Variants in CMC1 observed in about 807,000 individuals in gnomAD.
CMC1 encodes C-X9-C motif containing 1, also known as COX assembly mitochondrial protein homolog.
Under a neutral mutation model 14.1 loss-of-function variants are expected in CMC1, and 14 were observed. That is an observed-to-expected ratio of 0.99 (90% CI 0.66 to 1.55). The LOEUF is 1.55. Ranked by LOEUF, CMC1 falls within the 40% of genes most tolerant of loss-of-function variation. The probability of loss-of-function intolerance (pLI) is 0.00; values close to 1 mark genes in which losing one functional copy is unlikely to be tolerated. For synonymous variants in CMC1, 50 were observed against 38.4 expected, an observed-to-expected ratio of 1.30 and a Z score of -1.12; for missense variants, 127 against 123.8, an observed-to-expected ratio of 1.03 and a Z score of -0.12.
intron 1 of CMC1, among the ~76,000 whole-genome samples, chr3:28,259,710 C>T (rs548730904): frequency 7.2e-4 from 110 of 152,146 alleles, no homozygotes; most frequent in African/African-American, 2.5e-3. Context: ...GCTATATAGT[C>T]TTGAGTGTCC....
intron 2 of CMC1, among the ~76,000 whole-genome samples, chr3:28,300,891 T>G (rs1356406845): frequency 6.6e-6 from 1 of 151,578 alleles, no homozygotes; most frequent in African/African-American, 2.4e-5. Flanking sequence ...TATTCTTTCA[T>G]AGCCATTATG....
chr3:28,274,431 A>G (rs1450612396), intron 2 of CMC1, among the ~76,000 whole-genome samples: 2 of 151,830 alleles, frequency 1.3e-5, no homozygotes, highest in Non-Finnish European at 2.9e-5. Flanking sequence ...AGAATATTGA[A>G]TATTAGCACC....
intron 2 of CMC1, among the ~76,000 whole-genome samples, chr3:28,293,333 G>A (rs1331667718): frequency 6.6e-6 from 1 of 151,368 alleles, no homozygotes; most frequent in East Asian, 1.9e-4. Flanking sequence ...GAGTGGCTGG[G>A]GAGGTGACAG....
chr3:28,315,824 T>A (rs1342038912), intron 2 of CMC1: 1 of 152,412 alleles, frequency 6.6e-6, no homozygotes, highest in African/African-American at 2.4e-5. Context: ...ATGGTACAGG[T>A]TTTAGCCTAG....
At chr3:28,259,052 TA>T (rs1403496718) in intron 1 of CMC1, among the ~76,000 whole-genome samples, 5 of 152,290 alleles carry the variant, frequency 3.3e-5, no homozygotes, top group Middle Eastern at 3.4e-3. Context: ...GCATAGCATC[TA>T]AATTTGTTCT....
At chr3:28,296,096 T>A (rs551296913) in intron 2 of CMC1, among the ~76,000 whole-genome samples, 1 of 152,194 alleles carries the variant, frequency 6.6e-6, no homozygotes, top group African/African-American at 2.4e-5. Flanking sequence ...ATGAACAGAT[T>A]GTTAGAAATC....
chr3:28,263,589 TA>T (rs1306751970), intron 2 of CMC1, among the ~76,000 whole-genome samples: 1 of 152,080 alleles, frequency 6.6e-6, no homozygotes, highest in Non-Finnish European at 1.5e-5. Context: ...AAATTACTAG[TA>T]AAAAACATTT....
At chr3:28,306,162 T>A (rs1403406809) in intron 2 of CMC1, among the ~76,000 whole-genome samples, 27 of 152,148 alleles carry the variant, frequency 1.8e-4, no homozygotes, top group Admixed American at 1.8e-3. Flanking sequence ...TTACTTTGGC[T>A]ATTTGGGCTC....
chr3:28,258,533 G>A (rs752245803), intron 1 of CMC1, among the ~76,000 whole-genome samples: 10 of 148,126 alleles, frequency 6.8e-5, no homozygotes, highest in East Asian at 3.9e-4. Flanking sequence ...ACCATTTGTC[G>A]AAAATAATTT....
At chr3:28,316,269 T>G in intron 2 of CMC1, 64 bp from the exon 3 acceptor site, 2 of 776,836 alleles carry the variant, frequency 2.6e-6, no homozygotes, top group African/African-American at 1.8e-5. Context: ...AGAAGAAAAT[T>G]GTGTGTGTGG....
chr3:28,296,894 A>C (rs1386503978), intron 2 of CMC1, among the ~76,000 whole-genome samples: 1 of 152,052 alleles, frequency 6.6e-6, no homozygotes, highest in Non-Finnish European at 1.5e-5. Context: ...CTATTTTTGC[A>C]AATATGGGAA....
chr3:28,275,763 G>C (rs1467177585), intron 2 of CMC1, among the ~76,000 whole-genome samples: 1 of 152,248 alleles, frequency 6.6e-6, no homozygotes, highest in Non-Finnish European at 1.5e-5. Context: ...CTTGCCCCCA[G>C]GGTCTCCATC....
At chr3:28,318,875 T>G (rs1703065830) in intron 3 of CMC1, 1 of 170,118 alleles carries the variant, frequency 5.9e-6, no homozygotes, top group African/African-American at 2.4e-5. Context: ...AAACTGATCT[T>G]ACAGGTGAGG....
chr3:28,297,620 A>C (rs375787691), intron 2 of CMC1, among the ~76,000 whole-genome samples: 2 of 152,128 alleles, frequency 1.3e-5, no homozygotes, highest in African/African-American at 4.8e-5. Context: ...ATCAGCCTTC[A>C]GCTGGGAGCC....
chr3:28,300,626 C>CCTCCCTTTCCCTCCCTCCCTCCCT, intron 2 of CMC1, among the ~76,000 whole-genome samples: 1 of 129,362 alleles, frequency 7.7e-6, no homozygotes, highest in Admixed American at 7.5e-5. Context: ...TCCCTCCCTC[C>CCTCCCTTTCCCTCCCTCCCTCCCT]CTCCATCCCT....
intron 2 of CMC1, among the ~76,000 whole-genome samples, chr3:28,269,029 A>T: frequency 6.6e-6 from 1 of 152,328 alleles, no homozygotes; most frequent in African/African-American, 2.4e-5. Flanking sequence ...ATATTCACTT[A>T]ACTTTTATTG....
intron 2 of CMC1, among the ~76,000 whole-genome samples, chr3:28,274,033 T>C (rs1177305101): frequency 6.6e-6 from 1 of 152,088 alleles, no homozygotes; most frequent in Non-Finnish European, 1.5e-5. Context: ...GGGTCTTGAC[T>C]CTTTATCCAG....
At chr3:28,256,854 TTC>T (rs1699438651) in intron 1 of CMC1, among the ~76,000 whole-genome samples, 3 of 152,214 alleles carry the variant, frequency 2.0e-5, no homozygotes, top group Admixed American at 2.0e-4. Context: ...GCAAAACTGT[TTC>T]TGATTGTCTA....
intron 2 of CMC1, among the ~76,000 whole-genome samples, chr3:28,305,279 A>T (rs1702250310): frequency 6.6e-6 from 1 of 152,174 alleles, no homozygotes; most frequent in Non-Finnish European, 1.5e-5. Flanking sequence ...ATGGCTGTGT[A>T]GTATTCTATG....
Sources: gnomAD v4.1 joint callset for allele counts (sites outside exome capture counted in the v4.1 genomes callset) on GRCh38, gnomAD v4.1.1 for gene constraint, MANE v1.5 for transcripts, NCBI Gene and HGNC (gene_info 2026-07-23, HGNC 2026-07-21) for gene names.